Variants in PGM5 observed in about 807,000 individuals in gnomAD.
PGM5 encodes phosphoglucomutase-like protein 5.
A neutral mutation model predicts 59.2 loss-of-function variants in PGM5; 23 were observed. The observed-to-expected ratio is 0.39, with a 90% CI of 0.28 to 0.55. PGM5 has a LOEUF of 0.55. Ranked by LOEUF, PGM5 falls within the 20% of genes least tolerant of loss-of-function variation. The probability of loss-of-function intolerance (pLI) is 0.66; values close to 1 mark genes in which losing one functional copy is unlikely to be tolerated. For synonymous variants in PGM5, 214 were observed against 286.0 expected (o/e 0.75, Z 2.54); for missense variants, 574 against 748.3 (o/e 0.77, Z 2.72).
chr9:68,409,843 T>G (rs1822893056), intron 6 of PGM5, among the ~76,000 whole-genome samples: 1 of 142,630 alleles, frequency 7.0e-6, no homozygotes, highest in Non-Finnish European at 1.5e-5. Flanking sequence ...ACCTGCACAA[T>G]GTGCATATGT....
At chr9:68,386,085 G>A (rs1201502569) in intron 3 of PGM5, among the ~76,000 whole-genome samples, 4 of 151,558 alleles carry the variant, frequency 2.6e-5, no homozygotes, top group South Asian at 2.1e-4. Context: ...TTGGTACTGT[G>A]TGTTACCTAT....
At chr9:68,464,900 T>C (rs1823909203) in intron 6 of PGM5, among the ~76,000 whole-genome samples, 193 bp from the exon 7 acceptor site, 3 of 152,194 alleles carry the variant, frequency 2.0e-5, no homozygotes, top group Non-Finnish European at 2.9e-5. Context: ...AAAGCAAAAT[T>C]GAGAACCATT....
intron 10 of PGM5, among the ~76,000 whole-genome samples, chr9:68,523,350 G>A (rs915474809): frequency 6.6e-6 from 1 of 152,136 alleles, no homozygotes; most frequent in Admixed American, 6.5e-5. Flanking sequence ...TCAGTTCTTG[G>A]GCCCCAACCC....
chr9:68,458,851 T>C (rs782692284), intron 6 of PGM5, among the ~76,000 whole-genome samples: 4 of 152,204 alleles, frequency 2.6e-5, no homozygotes, highest in Non-Finnish European at 5.9e-5. Context: ...AAGATTGCTA[T>C]TAGAAAACCA....
At chr9:68,441,695 C>T (rs1823531007) in intron 6 of PGM5, among the ~76,000 whole-genome samples, 2 of 151,962 alleles carry the variant, frequency 1.3e-5, no homozygotes, top group South Asian at 4.2e-4. Flanking sequence ...AGGAACAAGA[C>T]AAGGATATCC....
intron 6 of PGM5, among the ~76,000 whole-genome samples, chr9:68,452,778 T>C (rs1450882306): frequency 2.6e-5 from 4 of 152,142 alleles, no homozygotes; most frequent in African/African-American, 7.2e-5. Context: ...GGGCTGCCCT[T>C]CCCTGCTGAG....
intron 6 of PGM5, among the ~76,000 whole-genome samples, chr9:68,416,049 T>C (rs1587801301): frequency 6.6e-6 from 1 of 152,080 alleles, no homozygotes; most frequent in Non-Finnish European, 1.5e-5. Context: ...ATCCAAATTC[T>C]AAGTAAGTGG....
intron 6 of PGM5, chr9:68,399,385 C>A (rs1397326419): frequency 2.2e-4 from 33 of 152,290 alleles, no homozygotes; most frequent in Admixed American, 1.6e-3. Flanking sequence ...TGTCAGATTG[C>A]ACTCCAGAAT....
At chr9:68,480,705 A>AAAAC (rs1824183284) in intron 8 of PGM5, among the ~76,000 whole-genome samples, 3 of 151,890 alleles carry the variant, frequency 2.0e-5, no homozygotes, top group African/African-American at 4.8e-5. Context: ...TCTCAAAAAA[A>AAAAC]AAAACAAAAC....
chr9:68,487,447 C>G lies in PGM5; in HGVS notation c.1479+3399C>G, dbSNP rs75982190. 8.5e-3 allele frequency among the ~76,000 whole-genome samples: 1,244 copies of G among 146,716 alleles called. 20 individuals carry two copies. The highest frequency in any genetic ancestry group is 0.029 in the African/African-American group (1,131 of 39,216). On this transcript the variant is annotated intron_variant, in intron 9 of 10. Coordinates refer to ENST00000396396, the MANE Select transcript of PGM5 (RefSeq NM_021965.4). ...ACAACTATTCTCTCTCTCTCTCTCT[C>G]TGTGTCACACGCACATACACACACA...
At chr9:68,449,218 G>T (rs558436258) in intron 6 of PGM5, among the ~76,000 whole-genome samples, 1 of 152,174 alleles carries the variant, frequency 6.6e-6, no homozygotes, top group African/African-American at 2.4e-5. Flanking sequence ...ATAATATCAC[G>T]TTGGGGGTTA....
intron 6 of PGM5, among the ~76,000 whole-genome samples, chr9:68,453,173 A>C (rs1823723711): frequency 6.6e-6 from 1 of 152,234 alleles, no homozygotes; most frequent in Non-Finnish European, 1.5e-5. Flanking sequence ...ATATCCTGCC[A>C]AAGTAGAGAG....
intron 10 of PGM5, among the ~76,000 whole-genome samples, chr9:68,508,764 GC>G (rs1483423746): frequency 9.2e-5 from 14 of 152,194 alleles, no homozygotes; most frequent in African/African-American, 3.4e-4. Flanking sequence ...TTTCCCAGCA[GC>G]CTTTTTGTTC....
chr9:68,387,712 A>G (rs1475530707), intron 4 of PGM5, 124 bp downstream of exon 4: 5 of 912,036 alleles, frequency 5.5e-6, no homozygotes, highest in Middle Eastern at 2.4e-4. Flanking sequence ...GTATGTTCAG[A>G]TATTTGGAAT....
At chr9:68,383,112 A>G (rs559338091) in intron 2 of PGM5, among the ~76,000 whole-genome samples, 1 of 151,980 alleles carries the variant, frequency 6.6e-6, no homozygotes, top group East Asian at 1.9e-4. Context: ...ACACAACAAG[A>G]AAATTGTTGG....
intron 6 of PGM5, among the ~76,000 whole-genome samples, chr9:68,416,814 G>A (rs554100645): frequency 1.3e-5 from 2 of 152,312 alleles, no homozygotes; most frequent in South Asian, 4.1e-4. Context: ...TCAAAGAGGT[G>A]ATTCTAGCTT....
intron 7 of PGM5, among the ~76,000 whole-genome samples, chr9:68,465,946 A>C (rs909719417): frequency 6.6e-5 from 10 of 152,072 alleles, no homozygotes; most frequent in African/African-American, 2.4e-4. Flanking sequence ...CCTATGTGGG[A>C]TTCTCTTGAA....
rs1310519925 is a variant in PGM5, at chr9:68,517,131, G to A, written c.1615-12436G>A. On this transcript the variant is annotated intron_variant, in intron 10 of 10. Coordinates refer to ENST00000396396, the MANE Select transcript of PGM5 (RefSeq NM_021965.4). ...ATTCCCGACTTCAGGTGATCTGCCC[G>A]CCTCGGCCTACCAAAATGCTGGGAT... 7.3e-5 allele frequency among the ~76,000 whole-genome samples: 11 copies of A among 151,124 alleles called. No individual in the cohort carries two copies. In the East Asian group the frequency reaches 1.8e-3, roughly 24 times the overall value.
chr9:68,417,959 A>G (rs1381664913), intron 6 of PGM5, among the ~76,000 whole-genome samples: 1 of 152,196 alleles, frequency 6.6e-6, no homozygotes, highest in Admixed American at 6.5e-5. Flanking sequence ...TTCAATTGAG[A>G]TGCACAATTG....
Sources: allele counts gnomAD v4.1 joint callset (sites outside exome capture counted in the v4.1 genomes callset), GRCh38; gene constraint gnomAD v4.1.1; transcripts MANE v1.5; gene names NCBI Gene and HGNC (gene_info 2026-07-23, HGNC 2026-07-21).